NYNRIN: variants seen among roughly 807,000 people sequenced by gnomAD.
NYNRIN encodes protein NYNRIN.
NYNRIN carries 86 observed loss-of-function variants against 146.6 expected under a neutral mutation model. The observed-to-expected ratio is 0.59, with a 90% CI of 0.49 to 0.70. The LOEUF is 0.70. Ranked by LOEUF, NYNRIN falls within the 30% of genes least tolerant of loss-of-function variation. The pLI, the probability that NYNRIN is intolerant of heterozygous loss-of-function variation, is 0.00. For synonymous variants in NYNRIN, 1,027 were observed against 1,001.3 expected, an observed-to-expected ratio of 1.03 and a Z score of -0.48; for missense variants, 2,191 against 2,377.7, an observed-to-expected ratio of 0.92 and a Z score of 1.63.
At position 24,411,034 on chromosome 14, in the gene NYNRIN, G is replaced by A; in HGVS notation, c.2415-42G>A. ...TGCCCCAGGGCTGGCTCTGAGGGAG[G>A]AGTGGTGAGGCAGGGTCTTTCCTTG... is the stretch of plus-strand genomic sequence containing the variant. On this transcript the variant is annotated intron_variant, in intron 4 of 8. Coordinates refer to ENST00000382554, the MANE Select transcript of NYNRIN (RefSeq NM_025081.3). The surrounding 1 kb of genome is among the most constrained non-coding windows in gnomAD (Gnocchi z 4.3). The A allele has an allele frequency of 3.7e-5, 59 of 1,611,382 alleles. No homozygotes were observed. The highest frequency in any genetic ancestry group is 4.9e-5 in the Non-Finnish European group (58 of 1,179,108).
At position 24,413,377 on chromosome 14, in the gene NYNRIN, G is replaced by A. The variant is rs767604457; in HGVS notation, c.2806G>A (p.Asp936Asn). 1.2e-6 allele frequency: 2 copies of A among 1,613,412 alleles called. No individual in the cohort carries two copies. The highest frequency in any genetic ancestry group is 1.7e-6 in the Non-Finnish European group (2 of 1,179,666). The change falls in exon 8 of 9, where the codon GAT (aspartate) becomes AAT (asparagine). Residue 936 changes from aspartate to asparagine, a missense_variant. Transcript: ENST00000382554. ...FMVPDDPLGR[D>N]GPTLDEFLKK... is the part of the protein sequence containing the mutation. ...GGTGCCTGATGACCCCCTGGGCCGT[G>A]ATGGCCCCACCTTGGATGAGTTTCT...
At chr14:24,399,209 C>T in intron 1 of NYNRIN, 21 bp from the exon 2 acceptor site, 1 of 1,603,364 alleles carries the variant, frequency 6.2e-7, no homozygotes, top group Non-Finnish European at 8.5e-7. Context: ...CCGGGTGACA[C>T]TATCGTCTCC....
rs1476128648 is a variant in NYNRIN, at chr14:24,416,344, G to A, written c.4595G>A (p.Arg1532Lys). 6.2e-7 allele frequency: 1 copy of A among 1,613,640 alleles called. No individual in the cohort carries two copies. The highest frequency in any genetic ancestry group is 8.5e-7 in the Non-Finnish European group (1 of 1,179,756). ...ATGTTCAAGGGAGATAAGAAGCCCA[G>A]GGTCTGGGTAGTCCCGACGCAACTC... ...LLMFKGDKKP[R>K]VWVVPTQLRR... Residue 1532 changes from arginine to lysine, a missense_variant, in exon 9 of 9, where the codon AGG (arginine) becomes AAG (lysine). Coordinates refer to ENST00000382554, the MANE Select transcript of NYNRIN (RefSeq NM_025081.3).
Position 24,412,989 on chromosome 14 carries a change from C to G in NYNRIN, c.2643-8C>G. ...CTGGGTCATTAGTGACTTCCCCTCTCCCTGCAGGTTCATGGTAAAGCTGGC... is the reference window on the plus strand; with the variant it reads ...CTGGGTCATTAGTGACTTCCCCTCTGCCTGCAGGTTCATGGTAAAGCTGGC... On this transcript the variant is annotated splice_polypyrimidine_tract_variant and splice_region_variant and intron_variant, in intron 6 of 8. Transcript: ENST00000382554. 2 of 1,578,824 alleles carry G rather than the reference C, an allele frequency of 1.3e-6. No homozygotes were observed. The highest frequency in any genetic ancestry group is 1.7e-6 in the Non-Finnish European group (2 of 1,159,470).
chr14:24,414,951 C>T lies in NYNRIN; in HGVS notation c.3202C>T (p.Pro1068Ser), dbSNP rs1367891668. ...GGCAGCTTCTCCCTACCTGGGCATC[C>T]CCTGGGATGGAAAGGCTCCCTGCCA... ...PGAASPYLGI[P>S]WDGKAPCQQV... Residue 1068 changes from proline (P) to serine (S), a missense_variant, in exon 9 of 9, where the codon CCC (proline) becomes TCC (serine). Pro to Ser is a moderately conservative substitution (Grantham distance 74, BLOSUM62 -1). Transcript: ENST00000382554. 12 of 1,595,842 alleles carry T rather than the reference C, an allele frequency of 7.5e-6. No individual in the cohort carries two copies. The Admixed American group carries it at 1.7e-4, about 22-fold the overall frequency.
chr14:24,412,714 G>C, intron 6 of NYNRIN: 1 of 291,764 alleles, frequency 3.4e-6, no homozygotes, highest in Non-Finnish European at 6.5e-6. Flanking sequence ...GTCTGTGCTT[G>C]TCTATGTATG....
In NYNRIN at chr14:24,408,339, C is replaced by A; in HGVS notation, c.669C>A (p.Cys223Ter). The A allele has an allele frequency of 6.2e-7, 1 of 1,613,794 alleles. No homozygotes were observed. The highest frequency in any genetic ancestry group is 8.5e-7 in the Non-Finnish European group (1 of 1,179,890). The change falls in exon 3 of 9, where the codon TGC becomes TGA. Residue 223 changes from cysteine to a stop codon, truncating the protein, a stop_gained. Coordinates refer to ENST00000382554, the MANE Select transcript of NYNRIN (RefSeq NM_025081.3). LOFTEE classifies it high-confidence loss of function. ...DSHSDPEVLI[C>*]PPQQQKEAPA... ...ACTCCGATCCGGAGGTTCTAATCTG[C>A]CCTCCCCAGCAGCAGAAGGAAGCCC...
intron 1 of NYNRIN, 53 bp downstream of exon 1, chr14:24,399,139 A>T: frequency 5.0e-6 from 5 of 997,916 alleles, no homozygotes; most frequent in Non-Finnish European, 7.2e-6. Flanking sequence ...CGCCGCGGGG[A>T]GGAGGGGGCG....
chr14:24,411,133 C>T lies in NYNRIN; in HGVS notation c.2472C>T (p.Phe824=). 1 of 1,612,422 alleles carries T rather than the reference C, an allele frequency of 6.2e-7. No homozygotes were observed. Residue 824 remains phenylalanine, a synonymous_variant, in exon 5 of 9, where the codon TTC becomes TTT. Coordinates refer to ENST00000382554, the MANE Select transcript of NYNRIN (RefSeq NM_025081.3). The surrounding 1 kb of genome is among the most constrained non-coding windows in gnomAD (Gnocchi z 4.3). ...CRGIAMAVQF[F]WNRGHREVTV... Reference sequence around the variant, plus strand: ...GAATTGCCATGGCAGTGCAGTTTTTCTGGAACCGGGGACACCGAGAGGTCA... The same window carrying T: ...GAATTGCCATGGCAGTGCAGTTTTTTTGGAACCGGGGACACCGAGAGGTCA...
chr14:24,419,042 G>A lies in NYNRIN; in HGVS notation c.*1596G>A, dbSNP rs13841. The stretch of plus-strand genomic sequence containing the variant: ...TAAACCATTTCTAGCTGTTAACCCT[G>A]TCCAGAAAAATGATTGAGTGATAGC... On this transcript the variant is annotated 3_prime_UTR_variant, in exon 9 of 9. Transcript: ENST00000382554. 0.57 allele frequency: 87,126 copies of A among 152,030 alleles called. 25,816 individuals carry two copies. Among genetic ancestry groups the A allele is most frequent in the Middle Eastern group, 0.67 (198 of 294 alleles). 9.4% of individuals were successfully genotyped at this position (152,030 alleles called of 1,614,324 possible).
At chr14:24,407,650 G>C (rs1249774424) in intron 2 of NYNRIN, among the ~76,000 whole-genome samples, 3 of 152,196 alleles carry the variant, frequency 2.0e-5, no homozygotes, top group Non-Finnish European at 4.4e-5. Context: ...AGGCTTCCCT[G>C]TTCTGTTGGT....
At position 24,416,593 on chromosome 14, in the gene NYNRIN, C is replaced by G. The variant is rs746050976; in HGVS notation, c.4844C>G (p.Ser1615Trp). 6.2e-7 allele frequency: 1 copy of G among 1,613,790 alleles called. No individual in the cohort carries two copies. Among genetic ancestry groups the G allele is most frequent in the African/African-American group, 1.3e-5 (1 of 74,918 alleles). ...CCCCTCAGGTCGACCGCCCCCTGGTCGAACCTGCAGATCGAGGTGGTGGGC... is the reference window on the plus strand; with the variant it reads ...CCCCTCAGGTCGACCGCCCCCTGGTGGAACCTGCAGATCGAGGTGGTGGGC... Reference protein sequence around the residue: ...PWPLRSTAPWSNLQIEVVGPV... With the variant: ...PWPLRSTAPWWNLQIEVVGPV... The change falls in exon 9 of 9, where the codon TCG (serine) becomes TGG (tryptophan). Residue 1615 changes from serine (S) to tryptophan (W), a missense_variant. Ser to Trp is a radical substitution (Grantham distance 177). Around this residue, in one of 3 missense-constraint regions of NYNRIN, gnomAD observed 1,291 missense variants for 1,417.0 expected, o/e 0.91. Coordinates refer to ENST00000382554, the MANE Select transcript of NYNRIN (RefSeq NM_025081.3).
chr14:24,419,147 C>G lies in NYNRIN; in HGVS notation c.*1701C>G, dbSNP rs2139358222. On this transcript the variant is annotated 3_prime_UTR_variant, in exon 9 of 9. Coordinates refer to ENST00000382554, the MANE Select transcript of NYNRIN (RefSeq NM_025081.3). ...GCGCCATTCTTTCTCTTCCTCCTCT[C>G]TGTAATGGTATGTCCAGCCTCACTC... The G allele has an allele frequency of 6.6e-6, 1 of 152,460 alleles. No homozygotes were observed. Among genetic ancestry groups the G allele is most frequent in the African/African-American group, 2.4e-5 (1 of 41,574 alleles). The allele number at this position is 152,460 out of a possible 1,614,324, so 9.4% of individuals were successfully genotyped here. A position where few individuals can be genotyped will look rare whatever the true frequency, so the allele number is the denominator to read the frequency against.
rs200825575 is a variant in NYNRIN at position 24,413,316 on chromosome 14, C to T, written c.2745C>T (p.Arg915=). 3.4e-5 allele frequency: 54 copies of T among 1,611,650 alleles called. No individual in the cohort carries two copies. The highest frequency in any genetic ancestry group is 4.4e-5 in the Non-Finnish European group (52 of 1,178,940). ...NSSKKLMVKD[R]LLPFTFAGNL... ...GTGCCTCTTCTCCCCCTGGGCCCAGCTTGCTGCCTTTCACCTTTGCGGGGA... is the reference window on the plus strand; with the variant it reads ...GTGCCTCTTCTCCCCCTGGGCCCAGTTTGCTGCCTTTCACCTTTGCGGGGA... The change falls in exon 8 of 9, where the codon CGC becomes CGT. Residue 915 remains arginine (R), a splice_region_variant and synonymous_variant. Transcript: ENST00000382554.
At chr14:24,410,927 T>G in intron 4 of NYNRIN, 149 bp from the exon 5 acceptor site, 1 of 914,296 alleles carries the variant, frequency 1.1e-6, no homozygotes, top group Non-Finnish European at 1.7e-6. Flanking sequence ...CTGCACCAAG[T>G]AGGTGCTCAC....
chr14:24,409,219 T>A lies in NYNRIN; in HGVS notation c.1425T>A (p.Asp475Glu). The A allele has an allele frequency of 6.2e-7, 1 of 1,613,906 alleles. No individual in the cohort carries two copies. Among genetic ancestry groups the A allele is most frequent in the Non-Finnish European group, 8.5e-7 (1 of 1,179,846 alleles). ...ATGTAAAAGACAAAGTTAGCTCGGA[T>A]CTCCCACAGATAGGGCCACCCTTGA... ...SSDVKDKVSS[D>E]LPQIGPPLTS... The change falls in exon 4 of 9, where the codon GAT becomes GAA. Residue 475 changes from aspartate to glutamate, a missense_variant. Around this residue, in one of 3 missense-constraint regions of NYNRIN, gnomAD observed 895 missense variants for 941.2 expected, o/e 0.95. Transcript: ENST00000382554.
Position 24,409,080 on chromosome 14 carries a change from G to A in NYNRIN, c.1286G>A (p.Ser429Asn), listed in dbSNP as rs758545618. The A allele has an allele frequency of 6.2e-7, 1 of 1,613,612 alleles. No homozygotes were observed. The highest frequency in any genetic ancestry group is 1.3e-5 in the African/African-American group (1 of 75,060). Residue 429 changes from serine to asparagine, a missense_variant, in exon 4 of 9, where the codon AGC becomes AAC. By Grantham distance (46) the Ser-to-Asn change is conservative. Around this residue, in one of 3 missense-constraint regions of NYNRIN, gnomAD observed 895 missense variants for 941.2 expected, o/e 0.95. Coordinates refer to ENST00000382554, the MANE Select transcript of NYNRIN (RefSeq NM_025081.3). ...CTGGCTCCTCTGCCTAGTGCAGAAA[G>A]CCCAGCTGGTAGACCAGATGGGGGG... is the stretch of plus-strand genomic sequence containing the variant. ...KELAPLPSAE[S>N]PAGRPDGGLG... is the part of the protein sequence containing the mutation.
chr14:24,405,721 TG>T (rs2042871867), intron 2 of NYNRIN, among the ~76,000 whole-genome samples: 1 of 152,182 alleles, frequency 6.6e-6, no homozygotes, highest in Non-Finnish European at 1.5e-5. Flanking sequence ...TCATCTAAAA[TG>T]GGGATAATAG....
chr14:24,405,108 C>A (rs2042869406), intron 2 of NYNRIN, among the ~76,000 whole-genome samples: 1 of 151,756 alleles, frequency 6.6e-6, no homozygotes, highest in Admixed American at 6.6e-5. Context: ...AGTGGTTGGG[C>A]TCCCAGATCT....
Sources: allele counts gnomAD v4.1 joint callset (sites outside exome capture counted in the v4.1 genomes callset), GRCh38; gene constraint gnomAD v4.1.1; regional missense constraint gnomAD v4.1.1; non-coding constraint Gnocchi (gnomAD v3.1); transcripts MANE v1.5; gene names NCBI Gene and HGNC (gene_info 2026-07-23, HGNC 2026-07-21).